MGAT4C: variants seen among roughly 807,000 people sequenced by gnomAD.
MGAT4C encodes the protein MGAT4 family member C.
Under a neutral mutation model 40.1 loss-of-function variants are expected in MGAT4C, and 19 were observed. That is an observed-to-expected ratio of 0.47 (90% CI 0.33 to 0.70). The LOEUF (loss-of-function observed/expected upper bound fraction) is 0.70, where lower values mean the gene tolerates loss of function less well. Among genes scored for constraint, MGAT4C ranks in the 30% least tolerant of loss-of-function variants. The pLI is 0.02. For missense variants in MGAT4C, 491 were observed against 563.2 expected (o/e 0.87, Z 1.30); for synonymous variants, 181 against 187.1 (o/e 0.97, Z 0.27).
intron 1 of MGAT4C, among the ~76,000 whole-genome samples, chr12:86,069,982 T>C (rs1040507453): frequency 1.3e-5 from 2 of 152,142 alleles, no homozygotes; most frequent in African/African-American, 4.8e-5. Flanking sequence ...AAGGCCCTTC[T>C]TGACCTGGTG....
chr12:86,746,077 A>G (rs1951147612), intron 1 of MGAT4C, among the ~76,000 whole-genome samples: 1 of 151,670 alleles, frequency 6.6e-6, no homozygotes, highest in Non-Finnish European at 1.5e-5. Context: ...GCTGGCATCC[A>G]CATTTCCCAG....
chr12:85,963,607 G>A lies in MGAT4C; in HGVS notation c.*15682C>T, dbSNP rs1290993674. On this transcript the variant is annotated 3_prime_UTR_variant, in exon 5 of 5. Transcript: ENST00000611864. ...CTGAGAAACCATGAGATTTCATTCT[G>A]GCATGTCCCCAGAATGTAATTATCA... 2 of 151,800 alleles carry A rather than the reference G, an allele frequency of 1.3e-5. No homozygotes were observed. Among genetic ancestry groups the A allele is most frequent in the Non-Finnish European group, 2.9e-5 (2 of 67,884 alleles). 9.4% of individuals were successfully genotyped at this position (151,800 alleles called of 1,614,324 possible). A position where few individuals can be genotyped will look rare whatever the true frequency, so the allele number is the denominator to read the frequency against.
intron 3 of MGAT4C, among the ~76,000 whole-genome samples, chr12:85,983,957 T>G (rs1884928999): frequency 6.6e-6 from 1 of 152,180 alleles, no homozygotes; most frequent in Non-Finnish European, 1.5e-5. Context: ...AAAAAGAATT[T>G]CTACATGAAA....
intron 2 of MGAT4C, among the ~76,000 whole-genome samples, chr12:86,467,828 T>G (rs1439054471): frequency 6.6e-6 from 1 of 152,086 alleles, no homozygotes; most frequent in Non-Finnish European, 1.5e-5. Context: ...TTCTGTTGAT[T>G]CCAAGAAATC....
chr12:86,327,025 C>T (rs760912201), intron 4 of MGAT4C, among the ~76,000 whole-genome samples: 2 of 152,162 alleles, frequency 1.3e-5, no homozygotes, highest in African/African-American at 2.4e-5. Context: ...CTTTTCCCTA[C>T]AATGACTAAA....
intron 1 of MGAT4C, among the ~76,000 whole-genome samples, chr12:86,103,876 TTA>T (rs1172333185): frequency 1.3e-5 from 2 of 152,166 alleles, no homozygotes; most frequent in African/African-American, 2.4e-5. Context: ...TAGAAGTTAG[TTA>T]TGCCAGCCAT....
intron 3 of MGAT4C, among the ~76,000 whole-genome samples, chr12:86,357,224 C>T (rs1955335619): frequency 1.3e-5 from 2 of 152,156 alleles, no homozygotes; most frequent in Non-Finnish European, 2.9e-5. Context: ...CTGGAGTGGA[C>T]CTCCAGCAAA....
chr12:86,648,449 CA>C (rs1593077600), intron 2 of MGAT4C, among the ~76,000 whole-genome samples: 1 of 151,788 alleles, frequency 6.6e-6, no homozygotes, highest in African/African-American at 2.4e-5. Flanking sequence ...AAGATTAGGT[CA>C]TGAGGGTGGG....
chr12:86,836,265 G>C (rs1953035263), intron 1 of MGAT4C, among the ~76,000 whole-genome samples: 1 of 152,012 alleles, frequency 6.6e-6, no homozygotes, highest in Non-Finnish European at 1.5e-5. Context: ...TCAAGTCATT[G>C]ACTGAATATA....
At chr12:86,779,062 A>G (rs1187414149) in intron 1 of MGAT4C, among the ~76,000 whole-genome samples, 2 of 151,786 alleles carry the variant, frequency 1.3e-5, no homozygotes, top group African/African-American at 4.8e-5. Context: ...CAAAGGATAT[A>G]TAAATTGCCA....
At chr12:86,144,016 T>C (rs1490192447) in intron 1 of MGAT4C, among the ~76,000 whole-genome samples, 1 of 152,186 alleles carries the variant, frequency 6.6e-6, no homozygotes, top group Non-Finnish European at 1.5e-5. Flanking sequence ...TAATATGTGT[T>C]AAATAAATTC....
At chr12:86,810,927 A>G (rs1308675832) in intron 1 of MGAT4C, among the ~76,000 whole-genome samples, 1 of 151,554 alleles carries the variant, frequency 6.6e-6, no homozygotes, top group Non-Finnish European at 1.5e-5. Flanking sequence ...ATTGCTCTGA[A>G]TATTTCCTTC....
chr12:86,132,067 C>T (rs772513554), intron 1 of MGAT4C, among the ~76,000 whole-genome samples: 1 of 152,146 alleles, frequency 6.6e-6, no homozygotes, highest in Non-Finnish European at 1.5e-5. Context: ...CAGCTTTCAA[C>T]ACCAAGCTTT....
intron 1 of MGAT4C, among the ~76,000 whole-genome samples, chr12:86,825,633 TGAA>T (rs1188122125): frequency 6.6e-6 from 1 of 151,448 alleles, no homozygotes; most frequent in Non-Finnish European, 1.5e-5. Flanking sequence ...AACACATTAA[TGAA>T]GAATATTTAA....
chr12:86,246,529 A>G (rs1416783981), intron 1 of MGAT4C, among the ~76,000 whole-genome samples: 1 of 152,112 alleles, frequency 6.6e-6, no homozygotes, highest in Non-Finnish European at 1.5e-5. Flanking sequence ...ACAATTTTCT[A>G]TATTTTTGGA....
chr12:86,482,536 C>A (rs1045238411), intron 2 of MGAT4C, among the ~76,000 whole-genome samples: 18 of 151,968 alleles, frequency 1.2e-4, no homozygotes, highest in African/African-American at 4.3e-4. Flanking sequence ...TAGTAATTTA[C>A]ATTTTCTACC....
Position 85,979,683 on chromosome 12 carries a change from T to G in MGAT4C, c.1043A>C (p.Asn348Thr). The change falls in exon 5 of 5, where the codon AAC becomes ACC. Residue 348 changes from asparagine to threonine, a missense_variant. Coordinates refer to ENST00000611864, the MANE Select transcript of MGAT4C (RefSeq NM_001351288.2). ...TTCATAATTTTCAAACACATTCATG[T>G]TGGTGTACAGACTTGCAGGGGGGTT... ...PDNPPASLYT[N>T]MNVFENYEAS... 6.2e-7 allele frequency: 1 copy of G among 1,613,416 alleles called. No individual in the cohort carries two copies. The highest frequency in any genetic ancestry group is 8.5e-7 in the Non-Finnish European group (1 of 1,179,780).
chr12:86,599,587 G>A (rs1261052568), intron 2 of MGAT4C: 1 of 152,082 alleles, frequency 6.6e-6, no homozygotes, highest in Non-Finnish European at 1.5e-5. Flanking sequence ...CATTGTTATA[G>A]TGCTTTACAG....
At chr12:86,094,808 T>A (rs1873593870) in intron 1 of MGAT4C, among the ~76,000 whole-genome samples, 1 of 152,134 alleles carries the variant, frequency 6.6e-6, no homozygotes, top group South Asian at 2.1e-4. Context: ...TTTATTCTTC[T>A]TAAAAAGACT....
Sources: allele counts gnomAD v4.1 joint callset (sites outside exome capture counted in the v4.1 genomes callset), GRCh38; gene constraint gnomAD v4.1.1; transcripts MANE v1.5; gene names NCBI Gene and HGNC (gene_info 2026-07-23, HGNC 2026-07-21).